The following CACNA2D3 variants were observed in gnomAD, a reference collection of about 807,000 sequenced individuals.
CACNA2D3 encodes voltage-dependent calcium channel subunit alpha-2/delta-3.
CACNA2D3 carries 60 observed loss-of-function variants against 160.6 expected under a neutral mutation model. The ratio of observed to expected loss-of-function variants is 0.37; its 90% CI spans 0.30 to 0.46. CACNA2D3 has a LOEUF of 0.46. Ranked by LOEUF, CACNA2D3 falls within the 20% of genes least tolerant of loss-of-function variation. The pLI is 1.00. For missense variants in CACNA2D3, 1,205 were observed against 1,365.0 expected (o/e 0.88, Z 1.85); for synonymous variants, 558 against 492.9 (o/e 1.13, Z -1.75).
At chr3:54,604,668 C>T (rs1703131450) in intron 9 of CACNA2D3, among the ~76,000 whole-genome samples, 1 of 152,178 alleles carries the variant, frequency 6.6e-6, no homozygotes, top group Admixed American at 6.5e-5. Flanking sequence ...CACTCCACTG[C>T]TCTCACCCTG....
chr3:54,390,118 TG>T (rs1699254618), intron 4 of CACNA2D3, among the ~76,000 whole-genome samples: 1 of 152,138 alleles, frequency 6.6e-6, no homozygotes, highest in South Asian at 2.1e-4. Flanking sequence ...CAAGGGTTGG[TG>T]GGATGGGGCA....
intron 17 of CACNA2D3, among the ~76,000 whole-genome samples, chr3:54,852,773 TC>T (rs1699085478): frequency 6.6e-6 from 1 of 152,102 alleles, no homozygotes; most frequent in Non-Finnish European, 1.5e-5. Flanking sequence ...TAAGTGGACA[TC>T]CCCCATGGAC....
intron 13 of CACNA2D3, among the ~76,000 whole-genome samples, chr3:54,811,482 T>A (rs893095462): frequency 9.2e-4 from 93 of 101,082 alleles, no homozygotes; most frequent in Non-Finnish European, 1.3e-3. Flanking sequence ...TTTTTTTTTT[T>A]TTTTTTTTTT....
intron 4 of CACNA2D3, among the ~76,000 whole-genome samples, chr3:54,479,267 G>T (rs531990165): frequency 4.6e-5 from 7 of 152,274 alleles, no homozygotes; most frequent in Admixed American, 2.6e-4. Flanking sequence ...CAGCCAAGCT[G>T]AACTGTGAGT....
intron 4 of CACNA2D3, among the ~76,000 whole-genome samples, chr3:54,498,913 A>T (rs1383547530): frequency 2.6e-5 from 4 of 152,100 alleles, no homozygotes; most frequent in Non-Finnish European, 4.4e-5. Context: ...TAAAATCTAG[A>T]TATCAATGAT....
intron 2 of CACNA2D3, among the ~76,000 whole-genome samples, chr3:54,167,687 C>T (rs1196001786): frequency 6.6e-6 from 1 of 152,134 alleles, no homozygotes; most frequent in East Asian, 1.9e-4. Context: ...GGAATGGATA[C>T]CCAACGTAGT....
chr3:54,165,576 CT>C (rs1296073664), intron 2 of CACNA2D3, among the ~76,000 whole-genome samples: 2 of 146,728 alleles, frequency 1.4e-5, no homozygotes, highest in African/African-American at 5.0e-5. Context: ...TGTAATTCCC[CT>C]TTGGGAAGCC....
intron 35 of CACNA2D3, among the ~76,000 whole-genome samples, chr3:55,046,354 T>C (rs1681711087): frequency 8.6e-6 from 1 of 115,780 alleles, no homozygotes; most frequent in South Asian, 2.9e-4. Flanking sequence ...ATGCAGTGTT[T>C]GGTTTTTTGT....
At chr3:54,997,921 C>T (rs1702894698) in intron 31 of CACNA2D3, among the ~76,000 whole-genome samples, 1 of 152,050 alleles carries the variant, frequency 6.6e-6, no homozygotes, top group Non-Finnish European at 1.5e-5. Context: ...AGCAAGATAT[C>T]CCTTGGGAAT....
chr3:55,008,520 C>T (rs1418532318), intron 33 of CACNA2D3, among the ~76,000 whole-genome samples: 4 of 152,174 alleles, frequency 2.6e-5, no homozygotes, highest in African/African-American at 9.6e-5. Flanking sequence ...TTCCTACAGA[C>T]TCCAGTTCTG....
At position 54,984,628 on chromosome 3, in the gene CACNA2D3, A is replaced by C; in HGVS notation, c.2577A>C (p.Ile859=). 6.4e-7 allele frequency: 1 copy of C among 1,558,368 alleles called. No individual in the cohort carries two copies. The highest frequency in any genetic ancestry group is 2.3e-5 in the East Asian group (1 of 42,926). Residue 859 remains isoleucine (I), a synonymous_variant, in exon 30 of 38, where the codon ATA becomes ATC. Coordinates refer to ENST00000474759, the MANE Select transcript of CACNA2D3 (RefSeq NM_018398.3). ...TCTAGACTGTGAATTGTTACCTCAT[A>C]GACAATAATGGATTTATTTTGGTGT... is the stretch of plus-strand genomic sequence containing the variant. ...CDDETVNCYL[I]DNNGFILVSE... is the part of the protein sequence containing the mutation.
At chr3:54,274,315 T>C (rs1702688545) in intron 2 of CACNA2D3, among the ~76,000 whole-genome samples, 1 of 152,094 alleles carries the variant, frequency 6.6e-6, no homozygotes, top group Non-Finnish European at 1.5e-5. Flanking sequence ...TTCTTATAGA[T>C]TATTTTTCTT....
At chr3:54,646,096 G>A (rs1396629288) in intron 11 of CACNA2D3, among the ~76,000 whole-genome samples, 1 of 148,634 alleles carries the variant, frequency 6.7e-6, no homozygotes. Context: ...ATCCTGGGTG[G>A]GCAGGTTTTC....
At chr3:54,196,960 T>G (rs1224486912) in intron 2 of CACNA2D3, among the ~76,000 whole-genome samples, 1 of 152,234 alleles carries the variant, frequency 6.6e-6, no homozygotes, top group Non-Finnish European at 1.5e-5. Context: ...AAAACGTGTT[T>G]TACTTTCCCC....
intron 3 of CACNA2D3, among the ~76,000 whole-genome samples, chr3:54,384,706 G>T (rs554923981): frequency 6.6e-6 from 1 of 152,098 alleles, no homozygotes; most frequent in Admixed American, 6.6e-5. Flanking sequence ...AGTATTTTAG[G>T]TAGGAATACA....
At position 54,280,083 on chromosome 3, in the gene CACNA2D3, T is replaced by C. The variant is rs920215132; in HGVS notation, c.205-40359T>C. 7.2e-5 allele frequency among the ~76,000 whole-genome samples: 11 copies of C among 151,764 alleles called. No individual in the cohort carries two copies. In the East Asian group the frequency reaches 2.1e-3, roughly 29 times the overall value. On this transcript the variant is annotated intron_variant, in intron 2 of 37. Coordinates refer to ENST00000474759, the MANE Select transcript of CACNA2D3 (RefSeq NM_018398.3). ...TTGTTTGTTTGTTTATTTATTTATT[T>C]ATTTATTTATTTATTTGAGACGGAG... is the stretch of plus-strand genomic sequence containing the variant.
intron 11 of CACNA2D3, among the ~76,000 whole-genome samples, chr3:54,736,787 C>G (rs1399974743): frequency 6.6e-6 from 1 of 152,106 alleles, no homozygotes; most frequent in African/African-American, 2.4e-5. Flanking sequence ...AGAAAATGAG[C>G]TTTGGGGTCC....
At chr3:54,463,099 T>C (rs1575469396) in intron 4 of CACNA2D3, among the ~76,000 whole-genome samples, 1 of 152,104 alleles carries the variant, frequency 6.6e-6, no homozygotes, top group South Asian at 2.1e-4. Context: ...TGTTGAATAT[T>C]GGCCCCCACT....
intron 21 of CACNA2D3, 53 bp downstream of exon 21, chr3:54,880,916 A>G: frequency 6.7e-7 from 1 of 1,488,038 alleles, no homozygotes; most frequent in East Asian, 2.3e-5. Flanking sequence ...AAAGCTCGGG[A>G]GCTAGCTACT....
Sources: allele counts gnomAD v4.1 joint callset (sites outside exome capture counted in the v4.1 genomes callset), GRCh38; gene constraint gnomAD v4.1.1; transcripts MANE v1.5; gene names NCBI Gene and HGNC (gene_info 2026-07-23, HGNC 2026-07-21).